Variants in WWOX observed in about 807,000 individuals in gnomAD.
WWOX encodes the protein WW domain-containing oxidoreductase.
A neutral mutation model predicts 46.2 loss-of-function variants in WWOX; 69 were observed. That is an observed-to-expected ratio of 1.49 (90% CI 1.23 to 1.82). WWOX has a LOEUF of 1.82. Ranked by LOEUF, WWOX falls within the 40% of genes most tolerant of loss-of-function variation. The probability of loss-of-function intolerance (pLI) is 0.00; values close to 1 mark genes in which losing one functional copy is unlikely to be tolerated. For missense variants in WWOX, 919 were observed against 542.6 expected (o/e 1.69, Z -6.89); for synonymous variants, 359 against 202.6 (o/e 1.77, Z -6.56).
chr16:78,912,914 G>A (rs983036439), intron 8 of WWOX, among the ~76,000 whole-genome samples: 3 of 151,984 alleles, frequency 2.0e-5, no homozygotes, highest in African/African-American at 7.2e-5. Flanking sequence ...ATTAGCAAGA[G>A]ATCAGAGCAA....
chr16:78,663,963 A>C (rs990177435), intron 8 of WWOX, among the ~76,000 whole-genome samples: 1 of 152,204 alleles, frequency 6.6e-6, no homozygotes, highest in Admixed American at 6.5e-5. Context: ...ATGTGCAGCC[A>C]CTGTATGACG....
At chr16:78,726,669 G>A (rs2048844304) in intron 8 of WWOX, among the ~76,000 whole-genome samples, 2 of 149,144 alleles carry the variant, frequency 1.3e-5, no homozygotes, top group African/African-American at 5.2e-5. Context: ...AATTTATTAG[G>A]GCTTTATGTA....
intron 8 of WWOX, among the ~76,000 whole-genome samples, chr16:78,784,964 G>C (rs913360710): frequency 6.6e-6 from 1 of 152,128 alleles, no homozygotes; most frequent in Non-Finnish European, 1.5e-5. Context: ...TTGTTCAGAA[G>C]GTCCCGTGGG....
intron 8 of WWOX, among the ~76,000 whole-genome samples, chr16:78,720,681 A>G (rs543640283): frequency 6.6e-6 from 1 of 152,110 alleles, no homozygotes; most frequent in South Asian, 2.1e-4. Context: ...AACAGAAAAC[A>G]CCCGAGTTTT....
intron 8 of WWOX, among the ~76,000 whole-genome samples, chr16:79,162,729 G>C (rs1211796118): frequency 6.6e-6 from 1 of 152,166 alleles, no homozygotes; most frequent in African/African-American, 2.4e-5. Context: ...AGAGGCTCAA[G>C]AATTGAGACA....
chr16:78,447,726 G>A (rs1053411661), intron 8 of WWOX, among the ~76,000 whole-genome samples: 3 of 152,202 alleles, frequency 2.0e-5, no homozygotes, highest in East Asian at 1.9e-4. Context: ...TGGGGAGTCA[G>A]TGGAGGGGTA....
chr16:79,210,710 T>TTTAA (rs140045769), intron 8 of WWOX, among the ~76,000 whole-genome samples: 2,920 of 152,226 alleles, frequency 0.019, 104 homozygotes, highest in African/African-American at 0.067. Flanking sequence ...GCCTATTATT[T>TTTAA]TTAATTATGG....
intron 8 of WWOX, among the ~76,000 whole-genome samples, chr16:78,747,899 G>A (rs1189624174): frequency 3.3e-5 from 5 of 152,198 alleles, no homozygotes; most frequent in East Asian, 1.9e-4. Flanking sequence ...CAGTGGAGGG[G>A]CATGCTCTTG....
In WWOX at chr16:78,928,444, T is replaced by A. The variant is rs565623463; in HGVS notation, c.1057-283164T>A. On this transcript the variant is annotated intron_variant, in intron 8 of 8. Coordinates refer to ENST00000566780, the MANE Select transcript of WWOX (RefSeq NM_016373.4). ...GTCTCGATCTCCTGACCTCGTGATCTGCCCGCCTCGGCCTCCCAAAGTGCT... is the reference window on the plus strand; with the variant it reads ...GTCTCGATCTCCTGACCTCGTGATCAGCCCGCCTCGGCCTCCCAAAGTGCT... Among the ~76,000 whole-genome samples the A allele has an allele frequency of 2.2e-3, 328 of 152,138 alleles. 1 individual carries two copies. Among genetic ancestry groups the A allele is most frequent in the Non-Finnish European group, 3.9e-3 (264 of 67,994 alleles).
chr16:78,434,691 C>CTTCTTCCATAAGGTCCCTAATCAGA (rs2083297934), intron 8 of WWOX, among the ~76,000 whole-genome samples: 1 of 152,160 alleles, frequency 6.6e-6, no homozygotes, highest in African/African-American at 2.4e-5. Flanking sequence ...TCGTTTTCTC[C>CTTCTTCCATAAGGTCCCTAATCAGA]TTCTTCCATA....
In WWOX at chr16:78,112,261, A is replaced by T. The variant is rs569941933; in HGVS notation, c.230+2426A>T. On this transcript the variant is annotated intron_variant, in intron 3 of 8. Coordinates refer to ENST00000566780, the MANE Select transcript of WWOX (RefSeq NM_016373.4). ...CTAGCATTTTCACTGTAGTTGATTG[A>T]ACCAAAACTTTTTTTTTAGCTGCTT... 1.1e-4 allele frequency among the ~76,000 whole-genome samples: 16 copies of T among 152,284 alleles called. No individual in the cohort carries two copies. The East Asian group carries it at 1.9e-3, about 18-fold the overall frequency.
intron 8 of WWOX, among the ~76,000 whole-genome samples, chr16:79,009,815 G>T (rs909280724): frequency 1.6e-4 from 24 of 152,292 alleles, no homozygotes; most frequent in Middle Eastern, 6.8e-3. Flanking sequence ...GGAGGAGGGG[G>T]ACACACAAGA....
At chr16:78,834,354 A>G (rs1192155251) in intron 8 of WWOX, among the ~76,000 whole-genome samples, 3 of 152,216 alleles carry the variant, frequency 2.0e-5, no homozygotes, top group Admixed American at 2.0e-4. Flanking sequence ...AGCTACGGGA[A>G]AGTTTCCAGG....
intron 8 of WWOX, among the ~76,000 whole-genome samples, chr16:78,614,805 G>A (rs942942802): frequency 1.2e-4 from 19 of 152,150 alleles, no homozygotes; most frequent in African/African-American, 4.1e-4. Context: ...GTTTTTTTAA[G>A]TTAACTTCTG....
chr16:78,354,204 A>G (rs1003761313), intron 5 of WWOX, among the ~76,000 whole-genome samples: 2 of 151,796 alleles, frequency 1.3e-5, no homozygotes, highest in Non-Finnish European at 2.9e-5. Context: ...CTGTTTGGAA[A>G]CGTTTGCTGG....
Position 78,766,358 on chromosome 16 carries a change from G to A in WWOX, c.1056+333606G>A, listed in dbSNP as rs577224171. Among the ~76,000 whole-genome samples, 124 of 152,306 alleles carry A rather than the reference G, an allele frequency of 8.1e-4. 2 individuals carry two copies. In the South Asian group the frequency reaches 0.025, roughly 30 times the overall value. ...ACTTGTAATCTCAGCACTTGGAGAGGCTGAGGTGGGAGAATTGCTTGAGGC... is the reference window on the plus strand; with the variant it reads ...ACTTGTAATCTCAGCACTTGGAGAGACTGAGGTGGGAGAATTGCTTGAGGC... On this transcript the variant is annotated intron_variant, in intron 8 of 8. Coordinates refer to ENST00000566780, the MANE Select transcript of WWOX (RefSeq NM_016373.4).
At chr16:79,064,611 AG>A (rs2048410050) in intron 8 of WWOX, among the ~76,000 whole-genome samples, 1 of 152,196 alleles carries the variant, frequency 6.6e-6, no homozygotes, top group South Asian at 2.1e-4. Context: ...AAAGACATGG[AG>A]CAAAGCAGTT....
At chr16:78,644,515 A>G (rs2046795389) in intron 8 of WWOX, among the ~76,000 whole-genome samples, 1 of 151,762 alleles carries the variant, frequency 6.6e-6, no homozygotes, top group African/African-American at 2.4e-5. Flanking sequence ...AGGCTGCTGT[A>G]CAGTGGGGCA....
At chr16:78,319,472 G>C (rs998667400) in intron 5 of WWOX, among the ~76,000 whole-genome samples, 11 of 151,980 alleles carry the variant, frequency 7.2e-5, no homozygotes, top group African/African-American at 2.7e-4. Flanking sequence ...ATGTTGCCCA[G>C]GCTGGTCTCA....
Sources: gnomAD v4.1 joint callset for allele counts (sites outside exome capture counted in the v4.1 genomes callset) on GRCh38, gnomAD v4.1.1 for gene constraint, MANE v1.5 for transcripts, NCBI Gene and HGNC (gene_info 2026-07-23, HGNC 2026-07-21) for gene names.